ENTREP2: variants seen among roughly 807,000 people sequenced by gnomAD.
ENTREP2 encodes protein ENTREP2.
At chr15:29,573,598 G>A in the ENTREP2 span, among the ~76,000 whole-genome samples, 2 of 145,508 alleles carry the variant, frequency 1.4e-5, no homozygotes, top group Admixed American at 6.9e-5. Context: ...CTGGATATTT[G>A]TCTATTCTCT....
the ENTREP2 span, among the ~76,000 whole-genome samples, chr15:29,323,014 T>C: frequency 2.6e-5 from 4 of 152,224 alleles, no homozygotes; most frequent in Non-Finnish European, 4.4e-5. Flanking sequence ...CAATGAATGA[T>C]AGCAATGTCA....
chr15:29,241,176 T>C, the ENTREP2 span, among the ~76,000 whole-genome samples: 1 of 152,164 alleles, frequency 6.6e-6, no homozygotes, highest in Non-Finnish European at 1.5e-5. Flanking sequence ...AAAAAGAACG[T>C]ATATTCACTG....
At chr15:29,352,330 C>T in the ENTREP2 span, among the ~76,000 whole-genome samples, 2 of 152,114 alleles carry the variant, frequency 1.3e-5, no homozygotes, top group East Asian at 1.9e-4. Context: ...GGAATGAAGG[C>T]GGTGAGAGCT....
the ENTREP2 span, among the ~76,000 whole-genome samples, chr15:29,598,105 G>C: frequency 6.8e-6 from 1 of 146,718 alleles, no homozygotes; most frequent in African/African-American, 2.5e-5. Context: ...CGGGGCAACA[G>C]AGTGAGACCC....
the ENTREP2 span, chr15:29,196,666 C>G: frequency 2.3e-6 from 3 of 1,311,200 alleles, no homozygotes; most frequent in Non-Finnish European, 1.0e-6. Flanking sequence ...TGGCTCAGTT[C>G]AAAGGAGCCT....
chr15:29,396,813 A>AT, the ENTREP2 span, among the ~76,000 whole-genome samples: 60 of 151,864 alleles, frequency 4.0e-4, no homozygotes, highest in South Asian at 6.2e-4. Context: ...GTCCAACTTC[A>AT]TTTTTTTTGC....
chr15:29,429,134 T>C, the ENTREP2 span, among the ~76,000 whole-genome samples: 1 of 151,970 alleles, frequency 6.6e-6, no homozygotes. Context: ...TCCATTCATC[T>C]ATCTTGAGAT....
chr15:29,438,539 C>T, the ENTREP2 span, among the ~76,000 whole-genome samples: 1 of 152,072 alleles, frequency 6.6e-6, no homozygotes, highest in Admixed American at 6.5e-5. Context: ...GCTGACCACC[C>T]AGAGACCCCC....
chr15:29,186,818 C>T, the ENTREP2 span, among the ~76,000 whole-genome samples: 2 of 152,162 alleles, frequency 1.3e-5, no homozygotes, highest in African/African-American at 4.8e-5. Flanking sequence ...TGCAATATGT[C>T]TGGCAGAAAA....
the ENTREP2 span, among the ~76,000 whole-genome samples, chr15:29,665,999 A>G: frequency 6.6e-6 from 1 of 151,616 alleles, no homozygotes. Flanking sequence ...GATTGCAGGC[A>G]CACACCACCA....
chr15:29,249,851 A>G, the ENTREP2 span, among the ~76,000 whole-genome samples: 1 of 152,058 alleles, frequency 6.6e-6, no homozygotes. Flanking sequence ...ACTTACAATC[A>G]TGGTGGAAAG....
chr15:29,377,899 G>A, the ENTREP2 span, among the ~76,000 whole-genome samples: 1 of 149,948 alleles, frequency 6.7e-6, no homozygotes, highest in Non-Finnish European at 1.5e-5. Context: ...TTGTGAATAA[G>A]TATGATGGGT....
chr15:29,430,920 C>CA, the ENTREP2 span, among the ~76,000 whole-genome samples: 5 of 152,268 alleles, frequency 3.3e-5, no homozygotes, highest in South Asian at 1.0e-3. Flanking sequence ...GTCTTACTGA[C>CA]ACGGCTCCGG....
At chr15:29,561,592 G>A in the ENTREP2 span, among the ~76,000 whole-genome samples, 2 of 152,084 alleles carry the variant, frequency 1.3e-5, no homozygotes, top group African/African-American at 4.8e-5. Flanking sequence ...GGAGGCTGAG[G>A]CAGGAGAATG....
At chr15:29,534,106 CAAAAAAAAAAAAAA>C in the ENTREP2 span, among the ~76,000 whole-genome samples, 40 of 44,936 alleles carry the variant, frequency 8.9e-4, no homozygotes, top group African/African-American at 2.7e-3. Flanking sequence ...GCCCCTTGGC[CAAAAAAAAAAAAAA>C]AAAAAAAAAA....
At chr15:29,497,203 T>G in the ENTREP2 span, among the ~76,000 whole-genome samples, 2 of 152,180 alleles carry the variant, frequency 1.3e-5, no homozygotes, top group African/African-American at 4.8e-5. Context: ...ATCTTGGACT[T>G]CCCCGTCTCC....
At chr15:29,260,061 T>A in the ENTREP2 span, among the ~76,000 whole-genome samples, 3 of 152,130 alleles carry the variant, frequency 2.0e-5, no homozygotes, top group African/African-American at 4.8e-5. Context: ...AATATCTGTA[T>A]AACAAGGAAG....
chr15:29,495,180 T>C, the ENTREP2 span, among the ~76,000 whole-genome samples: 1 of 152,224 alleles, frequency 6.6e-6, no homozygotes, highest in Non-Finnish European at 1.5e-5. Flanking sequence ...GGTTCCCTTT[T>C]CTCCACAACC....
chr15:29,215,067 G>A, the ENTREP2 span, among the ~76,000 whole-genome samples: 4,408 of 152,194 alleles, frequency 0.029, 96 homozygotes, highest in Middle Eastern at 0.054. Flanking sequence ...CTGTGTTGCT[G>A]TCTATCTCAT....
Sources: gnomAD v4.1 joint callset for allele counts (sites outside exome capture counted in the v4.1 genomes callset) on GRCh38, gnomAD v4.1.1 for gene constraint, MANE v1.5 for transcripts, NCBI Gene and HGNC (gene_info 2026-07-23, HGNC 2026-07-21) for gene names.